SLC18A1: variants seen among roughly 807,000 people sequenced by gnomAD.
SLC18A1 encodes solute carrier family 18 member A1.
In SLC18A1, 69 loss-of-function variants were observed where a neutral mutation model predicts 53.7. That is an observed-to-expected ratio of 1.28 (90% CI 1.06 to 1.57). The LOEUF (loss-of-function observed/expected upper bound fraction) is 1.57, where lower values mean the gene tolerates loss of function less well. Among genes scored for constraint, SLC18A1 ranks in the 40% most tolerant of loss-of-function variants. The pLI is 0.00. For missense variants in SLC18A1, 932 were observed against 668.1 expected (o/e 1.40, Z -4.35); for synonymous variants, 320 against 248.1 (o/e 1.29, Z -2.72).
intron 10 of SLC18A1, among the ~76,000 whole-genome samples, chr8:20,161,172 G>T (rs1286859515): frequency 1.3e-5 from 2 of 152,144 alleles, no homozygotes; most frequent in Non-Finnish European, 2.9e-5. Flanking sequence ...AAACTCAAAA[G>T]TCCAAAATCC....
intron 3 of SLC18A1, among the ~76,000 whole-genome samples, chr8:20,178,870 A>G (rs74947013): frequency 6.6e-6 from 1 of 152,198 alleles, no homozygotes; most frequent in Non-Finnish European, 1.5e-5. Context: ...CTGATAGAAC[A>G]TCACAGCACA....
intron 8 of SLC18A1, among the ~76,000 whole-genome samples, chr8:20,165,591 C>T (rs987194340): frequency 1.3e-5 from 2 of 152,128 alleles, no homozygotes; most frequent in Admixed American, 6.5e-5. Context: ...CATTTTGAGC[C>T]ACACTGAACT....
chr8:20,159,160 A>G (rs1004581792), intron 10 of SLC18A1, among the ~76,000 whole-genome samples: 1 of 152,160 alleles, frequency 6.6e-6, no homozygotes, highest in African/African-American at 2.4e-5. Context: ...CCCATGCTCC[A>G]ATGTTGATGA....
intron 5 of SLC18A1, among the ~76,000 whole-genome samples, 200 bp downstream of exon 5, chr8:20,174,161 C>A (rs1187105991): frequency 6.6e-6 from 1 of 152,122 alleles, no homozygotes; most frequent in South Asian, 2.1e-4. Flanking sequence ...TATCCTCCTG[C>A]CTTGGCTTCC....
At chr8:20,166,804 G>A (rs891703784) in intron 8 of SLC18A1, among the ~76,000 whole-genome samples, 3 of 152,250 alleles carry the variant, frequency 2.0e-5, no homozygotes, top group Middle Eastern at 3.4e-3. Flanking sequence ...AAGGTTAAAT[G>A]AGGTCATAAG....
At chr8:20,153,023 G>A (rs555035242) in intron 10 of SLC18A1, among the ~76,000 whole-genome samples, 3 of 152,196 alleles carry the variant, frequency 2.0e-5, no homozygotes, top group African/African-American at 7.2e-5. Context: ...AGGAGGCAAA[G>A]TCAACCACTG....
rs1269471317 is a variant in SLC18A1, at chr8:20,145,774, G to A, written c.1567C>T (p.His523Tyr). 1.9e-6 allele frequency: 3 copies of A among 1,605,882 alleles called. No individual in the cohort carries two copies. In the African/African-American group the frequency reaches 4.0e-5, roughly 22 times the overall value. The stretch of plus-strand genomic sequence containing the variant: ...AGCACCTTCTGCTGCTACTCCTCAT[G>A]GTCAGGCTCCTCATCACTGTCCTCC... ...LGEDSDEEPD[H>Y]EE Residue 523 changes from histidine to tyrosine, a missense_variant, in exon 16 of 16, where the codon CAT becomes TAT. Coordinates refer to ENST00000276373, the MANE Select transcript of SLC18A1 (RefSeq NM_003053.4).
At chr8:20,173,267 C>T in intron 5 of SLC18A1, 139 bp from the exon 6 acceptor site, 1 of 657,674 alleles carries the variant, frequency 1.5e-6, no homozygotes, top group Admixed American at 2.9e-5. Flanking sequence ...AAAACTTAAC[C>T]CGTAGTATTT....
intron 10 of SLC18A1, among the ~76,000 whole-genome samples, chr8:20,158,501 G>T (rs2071737184): frequency 6.6e-6 from 1 of 152,126 alleles, no homozygotes; most frequent in East Asian, 1.9e-4. Context: ...GAGGAGCGAA[G>T]AATGCCCGTC....
chr8:20,149,721 CA>C lies in SLC18A1; in HGVS notation c.1100del (p.Leu367ArgfsTer4). The C allele has an allele frequency of 6.2e-7, 1 of 1,613,836 alleles. No homozygotes were observed. The highest frequency in any genetic ancestry group is 1.1e-5 in the South Asian group (1 of 91,054). On this transcript the variant is annotated frameshift_variant, in exon 12 of 16. Transcript: ENST00000276373. LOFTEE classifies it high-confidence loss of function. ...CTACCAGCATCCCGATTAGGGAACA[CA>C]GCCACCTGGAAGAAAAAAGCCATCA... ...GVLANKMGRW[L>X]CSLIGMLVVG...
intron 14 of SLC18A1, 58 bp from the exon 15 acceptor site, chr8:20,147,449 C>T: frequency 6.3e-7 from 1 of 1,578,348 alleles, no homozygotes. Context: ...GGAGCATCCT[C>T]CACGTAGGAC....
At chr8:20,165,234 C>A in intron 8 of SLC18A1, 127 bp from the exon 9 acceptor site, 1 of 780,344 alleles carries the variant, frequency 1.3e-6, no homozygotes, top group South Asian at 1.7e-5. Context: ...ACTGCAGAGA[C>A]CAGGAACCCC....
rs138654774 is a variant in SLC18A1, at chr8:20,148,030, T to C, written c.1187A>G (p.Asn396Ser). Residue 396 changes from asparagine to serine, a missense_variant, in exon 13 of 16, where the codon AAT becomes AGT. Coordinates refer to ENST00000276373, the MANE Select transcript of SLC18A1 (RefSeq NM_003053.4). ...ACCTATGGCAAGGCCAAGCCCTGCA[T>C]TGGGGCCAATGAGACCAAAAATATT... ...AHNIFGLIGP[N>S]AGLGLAIGMV... The C allele has an allele frequency of 6.1e-5, 99 of 1,614,120 alleles. No individual in the cohort carries two copies. The highest frequency in any genetic ancestry group is 2.5e-4 in the Admixed American group (15 of 60,026).
intron 1 of SLC18A1, among the ~76,000 whole-genome samples, chr8:20,181,564 T>C (rs1455588210): frequency 6.6e-6 from 1 of 152,138 alleles, no homozygotes; most frequent in Non-Finnish European, 1.5e-5. Flanking sequence ...CTGGACTACA[T>C]AGCAAGACCC....
chr8:20,178,057 T>C (rs1441560961), intron 4 of SLC18A1, among the ~76,000 whole-genome samples: 1 of 152,090 alleles, frequency 6.6e-6, no homozygotes, highest in Non-Finnish European at 1.5e-5. Context: ...AACAAAATAA[T>C]ATCATTGCTT....
chr8:20,160,578 A>T (rs1454284654), intron 10 of SLC18A1, among the ~76,000 whole-genome samples: 1 of 152,154 alleles, frequency 6.6e-6, no homozygotes, highest in Middle Eastern at 3.2e-3. Flanking sequence ...ATTTACTGAT[A>T]GTATCCTGTA....
chr8:20,150,158 G>T (rs113304781), intron 11 of SLC18A1, among the ~76,000 whole-genome samples: 4 of 152,180 alleles, frequency 2.6e-5, no homozygotes, highest in African/African-American at 7.2e-5. Flanking sequence ...ATGTCCTATG[G>T]CAGTGCTTCT....
In SLC18A1 at chr8:20,164,170, T is replaced by C. The variant is rs1427686711; in HGVS notation, c.1015+699A>G. On this transcript the variant is annotated intron_variant, in intron 10 of 15. Transcript: ENST00000276373. ...CCCCGTAAGCCTCTCCTCCCTGCAGTGATGGAGCAATTTGCACGTAGCCTT... is the reference window on the plus strand; with the variant it reads ...CCCCGTAAGCCTCTCCTCCCTGCAGCGATGGAGCAATTTGCACGTAGCCTT... Among the ~76,000 whole-genome samples, 5 of 152,116 alleles carry C rather than the reference T, an allele frequency of 3.3e-5. No individual in the cohort carries two copies. The East Asian group carries it at 7.7e-4, about 23-fold the overall frequency.
rs562763479 is a variant in SLC18A1, at chr8:20,157,646, A to G, written c.1016-6902T>C. Among the ~76,000 whole-genome samples the G allele has an allele frequency of 3.3e-5, 5 of 152,330 alleles. No individual in the cohort carries two copies. The East Asian group carries it at 7.7e-4, about 24-fold the overall frequency. On this transcript the variant is annotated intron_variant, in intron 10 of 15. Coordinates refer to ENST00000276373, the MANE Select transcript of SLC18A1 (RefSeq NM_003053.4). Reference sequence around the variant, plus strand: ...CACCTGACTCTATTGAAGGCCAACTAATCTTAAAAGATAAGTTTATCACTC... The same window carrying G: ...CACCTGACTCTATTGAAGGCCAACTGATCTTAAAAGATAAGTTTATCACTC...
Sources: gnomAD v4.1 joint callset for allele counts (sites outside exome capture counted in the v4.1 genomes callset) on GRCh38, gnomAD v4.1.1 for gene constraint, MANE v1.5 for transcripts, NCBI Gene and HGNC (gene_info 2026-07-23, HGNC 2026-07-21) for gene names.